The following TRPM3 variants were observed in gnomAD, a reference collection of about 807,000 sequenced individuals.
The protein encoded by TRPM3 is transient receptor potential cation channel subfamily M member 3, also known as long transient receptor potential channel 3.
Under a neutral mutation model 181.2 loss-of-function variants are expected in TRPM3, and 77 were observed. That is an observed-to-expected ratio of 0.42 (90% CI 0.35 to 0.51). The LOEUF (loss-of-function observed/expected upper bound fraction) is 0.51, where lower values mean the gene tolerates loss of function less well. Ranked by LOEUF, TRPM3 falls within the 20% of genes least tolerant of loss-of-function variation. The probability of loss-of-function intolerance (pLI) is 0.01; values close to 1 mark genes in which losing one functional copy is unlikely to be tolerated. For missense variants in TRPM3, 1,759 were observed against 2,196.7 expected, an observed-to-expected ratio of 0.80 and a Z score of 3.98; for synonymous variants, 745 against 796.4, an observed-to-expected ratio of 0.94 and a Z score of 1.09.
chr9:71,332,179 A>G (rs1041548744), intron 1 of TRPM3, among the ~76,000 whole-genome samples: 2 of 151,814 alleles, frequency 1.3e-5, no homozygotes, highest in Admixed American at 6.6e-5. Context: ...ATCTTGGATG[A>G]TTTTAAAATA....
intron 1 of TRPM3, among the ~76,000 whole-genome samples, chr9:71,367,966 T>A (rs1296429670): frequency 6.7e-6 from 1 of 150,264 alleles, no homozygotes; most frequent in Non-Finnish European, 1.5e-5. Flanking sequence ...TGTGTATATA[T>A]ATATCATATA....
intron 1 of TRPM3, among the ~76,000 whole-genome samples, chr9:70,876,761 G>C (rs967392516): frequency 2.0e-4 from 30 of 151,860 alleles, no homozygotes; most frequent in African/African-American, 6.3e-4. Flanking sequence ...AGAATATTGT[G>C]CTGGCTTTCT....
chr9:71,051,759 A>G (rs938589738), intron 1 of TRPM3, among the ~76,000 whole-genome samples: 1 of 152,128 alleles, frequency 6.6e-6, no homozygotes, highest in Non-Finnish European at 1.5e-5. Context: ...TATGAGGACA[A>G]AATATTATTT....
At chr9:70,923,281 T>C (rs2096677414) in intron 1 of TRPM3, among the ~76,000 whole-genome samples, 1 of 152,158 alleles carries the variant, frequency 6.6e-6, no homozygotes, top group African/African-American at 2.4e-5. Context: ...GTTTTATACT[T>C]TTTAATACCT....
intron 8 of TRPM3, among the ~76,000 whole-genome samples, chr9:70,686,686 T>TTTCCTTCCTTCCTTCTTTCCTTCCTTCC (rs1214535316): frequency 8.5e-5 from 5 of 58,866 alleles, no homozygotes; most frequent in African/African-American, 3.5e-4. Context: ...TCCTTCCTTC[T>TTTCCTTCCTTCCTTCTTTCCTTCCTTCC]TTCCTTCCTT....
chr9:70,645,748 A>T (rs1479669656), intron 9 of TRPM3, among the ~76,000 whole-genome samples: 2 of 152,048 alleles, frequency 1.3e-5, no homozygotes, highest in South Asian at 2.1e-4. Flanking sequence ...ACAGCAAAAA[A>T]AAAAAATAAA....
chr9:71,384,450 C>T (rs1000344372), intron 1 of TRPM3, among the ~76,000 whole-genome samples: 2 of 152,136 alleles, frequency 1.3e-5, no homozygotes, highest in African/African-American at 2.4e-5. Context: ...ACCCAATAGG[C>T]TTTTAAAACA....
intron 1 of TRPM3, among the ~76,000 whole-genome samples, chr9:71,157,737 A>T (rs576890929): frequency 6.6e-6 from 1 of 152,266 alleles, no homozygotes; most frequent in South Asian, 2.1e-4. Context: ...ATGGTCCAAC[A>T]TTTAACTGAC....
At chr9:71,077,002 C>T (rs509603) in intron 1 of TRPM3, among the ~76,000 whole-genome samples, 34,411 of 152,092 alleles carry the variant, frequency 0.23, 4,621 homozygotes, top group East Asian at 0.32. Flanking sequence ...ACACTACAAA[C>T]ACTTGGCCTA....
intron 9 of TRPM3, among the ~76,000 whole-genome samples, chr9:70,676,198 C>A (rs2063962080): frequency 6.6e-6 from 1 of 152,170 alleles, no homozygotes; most frequent in Non-Finnish European, 1.5e-5. Context: ...ACTTATTTAC[C>A]AGTGAAGATT....
intron 1 of TRPM3, among the ~76,000 whole-genome samples, chr9:71,318,595 A>G (rs562369841): frequency 2.5e-4 from 38 of 152,176 alleles, no homozygotes; most frequent in Non-Finnish European, 4.6e-4. Context: ...ATCTGTAACC[A>G]TAACTATCTC....
upstream of TRPM3, among the ~76,000 whole-genome samples, chr9:71,121,806 G>T (rs1587484513): frequency 6.6e-6 from 1 of 152,030 alleles, no homozygotes; most frequent in Non-Finnish European, 1.5e-5. Flanking sequence ...ACTGAGAACT[G>T]GTACGGGGGG....
chr9:70,991,045 T>C (rs917757438), intron 1 of TRPM3, among the ~76,000 whole-genome samples: 3 of 152,204 alleles, frequency 2.0e-5, no homozygotes, highest in African/African-American at 7.2e-5. Flanking sequence ...AGTTGTAGGC[T>C]TTCTCATCTC....
intron 1 of TRPM3, among the ~76,000 whole-genome samples, chr9:71,130,445 T>A (rs1317488339): frequency 6.6e-6 from 1 of 152,174 alleles, no homozygotes; most frequent in Admixed American, 6.5e-5. Flanking sequence ...ACCAAAGGTA[T>A]CTCTGTAACC....
intron 1 of TRPM3, among the ~76,000 whole-genome samples, chr9:71,270,166 G>A (rs530847433): frequency 7.2e-5 from 11 of 152,160 alleles, no homozygotes; most frequent in Non-Finnish European, 1.2e-4. Flanking sequence ...CCTGGCCAAC[G>A]TGGGGAAACC....
intron 1 of TRPM3, among the ~76,000 whole-genome samples, chr9:70,896,519 C>G (rs896943495): frequency 6.6e-6 from 1 of 151,952 alleles, no homozygotes; most frequent in African/African-American, 2.4e-5. Context: ...AAATAAAGAA[C>G]CAGATGCTGC....
At position 70,661,035 on chromosome 9, in the gene TRPM3, A is replaced by T. The variant is rs543153587; in HGVS notation, c.1346-20375T>A. Among the ~76,000 whole-genome samples the T allele has an allele frequency of 2.1e-3, 322 of 152,328 alleles. 1 individual carries two copies. Among genetic ancestry groups the T allele is most frequent in the African/African-American group, 7.5e-3 (312 of 41,572 alleles). On this transcript the variant is annotated intron_variant, in intron 9 of 25. Transcript: ENST00000677713. ...ATGAACACAGATGCAAAAATCCTCA[A>T]CAAAATACTAGTGAACTAAATCCAA... is the stretch of plus-strand genomic sequence containing the variant.
At chr9:70,694,550 G>A (rs1242976595) in intron 8 of TRPM3, among the ~76,000 whole-genome samples, 2 of 152,020 alleles carry the variant, frequency 1.3e-5, no homozygotes, top group Admixed American at 6.5e-5. Flanking sequence ...GCGCGATCTC[G>A]GCTCACTGCA....
At chr9:70,652,568 T>C (rs1279414744) in intron 9 of TRPM3, among the ~76,000 whole-genome samples, 2 of 152,222 alleles carry the variant, frequency 1.3e-5, no homozygotes, top group East Asian at 3.8e-4. Context: ...GACAGCCAAT[T>C]ACATGCTGGG....
Sources: allele counts gnomAD v4.1 joint callset (sites outside exome capture counted in the v4.1 genomes callset), GRCh38; gene constraint gnomAD v4.1.1; transcripts MANE v1.5; gene names NCBI Gene and HGNC (gene_info 2026-07-23, HGNC 2026-07-21).